DOCK4: variants seen among roughly 807,000 people sequenced by gnomAD.
DOCK4 encodes dedicator of cytokinesis 4.
Under a neutral mutation model 268.1 loss-of-function variants are expected in DOCK4, and 97 were observed. The observed-to-expected ratio is 0.36, with a 90% CI of 0.31 to 0.43. DOCK4 has a LOEUF of 0.43. DOCK4 is among the 20% of genes least tolerant of loss of function. The pLI is 1.00. For missense variants in DOCK4, 2,145 were observed against 2,455.7 expected, an observed-to-expected ratio of 0.87 and a Z score of 2.67; for synonymous variants, 954 against 887.2, an observed-to-expected ratio of 1.08 and a Z score of -1.34.
At chr7:111,738,124 G>T (rs1795632188) in intron 49 of DOCK4, among the ~76,000 whole-genome samples, 1 of 152,128 alleles carries the variant, frequency 6.6e-6, no homozygotes, top group Non-Finnish European at 1.5e-5. Flanking sequence ...AAAACTCAGG[G>T]CTACCCATGA....
intron 6 of DOCK4, among the ~76,000 whole-genome samples, chr7:111,988,796 C>A (rs769229928): frequency 6.6e-6 from 1 of 152,144 alleles, no homozygotes. Flanking sequence ...AAGCCACATA[C>A]GATACTAGAC....
intron 1 of DOCK4, among the ~76,000 whole-genome samples, chr7:112,184,871 C>T (rs939027676): frequency 6.6e-6 from 1 of 152,156 alleles, no homozygotes; most frequent in African/African-American, 2.4e-5. Context: ...TGCTCCTGAC[C>T]TCCATGTGAA....
intron 1 of DOCK4, among the ~76,000 whole-genome samples, chr7:112,153,073 A>G (rs1816256378): frequency 6.6e-6 from 1 of 152,182 alleles, no homozygotes; most frequent in African/African-American, 2.4e-5. Flanking sequence ...ATATTATATC[A>G]TAGTCTTATA....
chr7:111,859,672 A>AAGCCT (rs1805328617), intron 23 of DOCK4, among the ~76,000 whole-genome samples: 2 of 140,428 alleles, frequency 1.4e-5, no homozygotes, highest in East Asian at 2.1e-4. Flanking sequence ...GGTTCACGCC[A>AAGCCT]TTCTCCTGCC....
intron 17 of DOCK4, among the ~76,000 whole-genome samples, chr7:111,875,379 C>T (rs1212221869): frequency 6.6e-6 from 1 of 152,184 alleles, no homozygotes; most frequent in South Asian, 2.1e-4. Flanking sequence ...CTAAACTCTA[C>T]AACTAGCACA....
Position 111,776,826 on chromosome 7 carries a change from T to C in DOCK4, c.3679+1450A>G, listed in dbSNP as rs1196808236. Among the ~76,000 whole-genome samples the C allele has an allele frequency of 3.9e-5, 6 of 152,240 alleles. No homozygotes were observed. The South Asian group carries it at 1.0e-3, about 26-fold the overall frequency. The stretch of plus-strand genomic sequence containing the variant: ...ACTTCATGTAGGTGAGTAATTTCTT[T>C]TTATTATTTTTTGAGACAGGGTCGG... On this transcript the variant is annotated intron_variant, in intron 36 of 52. Transcript: ENST00000428084.
At chr7:112,041,839 T>A (rs1804390865) in intron 1 of DOCK4, among the ~76,000 whole-genome samples, 1 of 152,200 alleles carries the variant, frequency 6.6e-6, no homozygotes, top group Admixed American at 6.5e-5. Context: ...AGAGAAGATA[T>A]TTGCTTGGAC....
chr7:111,873,459 G>C (rs1376816090), intron 17 of DOCK4, among the ~76,000 whole-genome samples: 1 of 152,208 alleles, frequency 6.6e-6, no homozygotes, highest in African/African-American at 2.4e-5. Context: ...GGACCTGGTA[G>C]AACTGGCCTC....
At chr7:111,732,196 T>G (rs750457176) in intron 52 of DOCK4, 30 bp downstream of exon 52, 2 of 1,611,500 alleles carry the variant, frequency 1.2e-6, no homozygotes, top group Non-Finnish European at 1.7e-6. Context: ...TGGGCCAGTC[T>G]CTAGCCTCAG....
intron 1 of DOCK4, among the ~76,000 whole-genome samples, chr7:112,031,076 T>C (rs938806752): frequency 6.6e-6 from 1 of 152,200 alleles, no homozygotes; most frequent in Admixed American, 6.5e-5. Context: ...AGGAAGATTA[T>C]ACAAATAGAG....
chr7:111,853,281 G>T (rs1804729864), intron 23 of DOCK4, among the ~76,000 whole-genome samples: 1 of 152,162 alleles, frequency 6.6e-6, no homozygotes, highest in Non-Finnish European at 1.5e-5. Flanking sequence ...AGCACACAAG[G>T]GTTGGCCGTT....
At chr7:111,944,774 T>G in intron 10 of DOCK4, 37 bp downstream of exon 10, 2 of 1,583,812 alleles carry the variant, frequency 1.3e-6, no homozygotes, top group Non-Finnish European at 1.7e-6. Flanking sequence ...TCCTCTCTGT[T>G]CCTTGCCCCT....
intron 14 of DOCK4, 30 bp downstream of exon 14, chr7:111,901,647 T>C (rs768290003): frequency 1.4e-5 from 22 of 1,609,190 alleles, no homozygotes; most frequent in Non-Finnish European, 1.9e-5. Context: ...ACAGACTTGT[T>C]TGACCTGGAA....
At chr7:111,875,013 G>T (rs1806738317) in intron 17 of DOCK4, among the ~76,000 whole-genome samples, 1 of 152,188 alleles carries the variant, frequency 6.6e-6, no homozygotes, top group African/African-American at 2.4e-5. Flanking sequence ...TTTGGAACTA[G>T]ATTACTTCGA....
intron 45 of DOCK4, 110 bp from the exon 46 acceptor site, chr7:111,741,771 C>T (rs1442998117): frequency 2.9e-6 from 4 of 1,381,718 alleles, no homozygotes; most frequent in Non-Finnish European, 2.9e-6. Flanking sequence ...CAAGTCTTCA[C>T]ATAGGGAGCT....
intron 27 of DOCK4, 110 bp downstream of exon 27, chr7:111,822,252 C>G (rs1382848603): frequency 6.0e-6 from 5 of 828,544 alleles, no homozygotes; most frequent in African/African-American, 1.9e-5. Flanking sequence ...AGGCTTAATT[C>G]AGAGGCAAAA....
At chr7:111,793,471 AC>A (rs1231927343) in intron 30 of DOCK4, among the ~76,000 whole-genome samples, 5 of 152,264 alleles carry the variant, frequency 3.3e-5, no homozygotes, top group African/African-American at 1.2e-4. Context: ...TTGATAAGGA[AC>A]AAAGTATTCA....
Position 112,050,100 on chromosome 7 carries a change from T to G in DOCK4, c.38-45969A>C, listed in dbSNP as rs575240381. Among the ~76,000 whole-genome samples the G allele has an allele frequency of 3.3e-5, 5 of 152,298 alleles. No individual in the cohort carries two copies. In the South Asian group the frequency reaches 1.0e-3, roughly 32 times the overall value. ...AGAGCAGACACTCAAAACTGGTTAT[T>G]TTCCTCTCCTTTTATTTGTCACTGT... On this transcript the variant is annotated intron_variant, in intron 1 of 52. Transcript: ENST00000428084.
chr7:111,886,748 G>T (rs1301919717), intron 16 of DOCK4, among the ~76,000 whole-genome samples: 1 of 152,106 alleles, frequency 6.6e-6, no homozygotes, highest in Non-Finnish European at 1.5e-5. Context: ...AATGACATTC[G>T]TGGGAAAAGT....
Sources: gnomAD v4.1 joint callset for allele counts (sites outside exome capture counted in the v4.1 genomes callset) on GRCh38, gnomAD v4.1.1 for gene constraint, MANE v1.5 for transcripts, NCBI Gene and HGNC (gene_info 2026-07-23, HGNC 2026-07-21) for gene names.